The following MAST4 variants were observed in gnomAD, a reference collection of about 807,000 sequenced individuals.
MAST4 encodes microtubule-associated serine/threonine-protein kinase 4.
MAST4 carries 89 observed loss-of-function variants against 162.7 expected under a neutral mutation model. That is an observed-to-expected ratio of 0.55 (90% CI 0.46 to 0.65). The LOEUF (loss-of-function observed/expected upper bound fraction) is 0.65, where lower values mean the gene tolerates loss of function less well. Among genes scored for constraint, MAST4 ranks in the 30% least tolerant of loss-of-function variants. The pLI, the probability that MAST4 is intolerant of heterozygous loss-of-function variation, is 0.00. For synonymous variants in MAST4, 1,479 were observed against 1,361.1 expected (o/e 1.09, Z -1.91); for missense variants, 3,153 against 3,374.0 (o/e 0.93, Z 1.62).
intron 2 of MAST4, among the ~76,000 whole-genome samples, chr5:66,760,666 C>A (rs964818103): frequency 6.6e-6 from 1 of 152,104 alleles, no homozygotes; most frequent in Non-Finnish European, 1.5e-5. Context: ...GGTCTGGATT[C>A]TTTTGCTCAG....
chr5:66,955,625 C>T (rs981657408), intron 4 of MAST4, among the ~76,000 whole-genome samples: 1 of 152,138 alleles, frequency 6.6e-6, no homozygotes, highest in Non-Finnish European at 1.5e-5. Flanking sequence ...TACTCTTACT[C>T]TCCCTCCCCA....
chr5:66,845,000 G>A (rs772355612), intron 3 of MAST4, among the ~76,000 whole-genome samples: 11 of 147,510 alleles, frequency 7.5e-5, no homozygotes, highest in Admixed American at 2.1e-4. Flanking sequence ...CCATGGGAGT[G>A]GAGGAGATTA....
chr5:66,881,136 A>G (rs1286470643), intron 3 of MAST4, among the ~76,000 whole-genome samples: 1 of 152,200 alleles, frequency 6.6e-6, no homozygotes, highest in Non-Finnish European at 1.5e-5. Flanking sequence ...AGCAAATTTT[A>G]TAATTCTATT....
intron 5 of MAST4, among the ~76,000 whole-genome samples, chr5:67,061,212 C>CCTA (rs1759541676): frequency 6.6e-6 from 1 of 152,022 alleles, no homozygotes; most frequent in African/African-American, 2.4e-5. Flanking sequence ...TATGTTGAAA[C>CCTA]TTTTGTTCCC....
At position 66,704,646 on chromosome 5, in the gene MAST4, G is replaced by A. The variant is rs562237090; in HGVS notation, c.364-55063G>A. 2.3e-4 allele frequency among the ~76,000 whole-genome samples: 35 copies of A among 151,990 alleles called. No individual in the cohort carries two copies. In the East Asian group the frequency reaches 6.8e-3, roughly 29 times the overall value. ...CTCCTGAGCAGCTGGTACTACAGGCGCTTGCCACCATGCTTGGCTAATTTT... is the reference window on the plus strand; with the variant it reads ...CTCCTGAGCAGCTGGTACTACAGGCACTTGCCACCATGCTTGGCTAATTTT... On this transcript the variant is annotated intron_variant, in intron 1 of 28. Transcript: ENST00000403625.
chr5:66,842,879 CT>C (rs767005240), intron 3 of MAST4, among the ~76,000 whole-genome samples: 3 of 152,062 alleles, frequency 2.0e-5, no homozygotes, highest in Non-Finnish European at 4.4e-5. Flanking sequence ...ATTCATGTGC[CT>C]TATATTTAGG....
At chr5:66,752,738 A>C (rs1753264175) in intron 1 of MAST4, among the ~76,000 whole-genome samples, 1 of 148,212 alleles carries the variant, frequency 6.7e-6, no homozygotes, top group South Asian at 2.2e-4. Flanking sequence ...CAGATCAACA[A>C]GACAGAAAGT....
At position 67,131,713 on chromosome 5, in the gene MAST4, A is replaced by C. The variant is rs1424742742; in HGVS notation, c.1955-100A>C. On this transcript the variant is annotated intron_variant, in intron 15 of 28. Coordinates refer to ENST00000403625, the MANE Select transcript of MAST4 (RefSeq NM_001164664.2). ...GTTGTGACTATGATATGCTGTGTCT[A>C]TGGGTAGAGATGATTTCACCTTGAA... The C allele has an allele frequency of 3.4e-6, 4 of 1,185,748 alleles. No individual in the cohort carries two copies. In the Admixed American group the frequency reaches 8.2e-5, roughly 24 times the overall value. 73.5% of individuals were successfully genotyped at this position (1,185,748 alleles called of 1,614,324 possible).
At chr5:67,112,829 C>T (rs1316089545) in intron 11 of MAST4, among the ~76,000 whole-genome samples, 4 of 152,134 alleles carry the variant, frequency 2.6e-5, no homozygotes, top group African/African-American at 9.7e-5. Flanking sequence ...TAACCTTCAG[C>T]CCCTGTCTGA....
At chr5:66,966,387 A>G (rs910378182) in intron 4 of MAST4, among the ~76,000 whole-genome samples, 1 of 152,250 alleles carries the variant, frequency 6.6e-6, no homozygotes, top group African/African-American at 2.4e-5. Context: ...TAGAAGATGT[A>G]TTAGTTACAG....
At chr5:67,144,819 A>G in intron 22 of MAST4, 23 bp downstream of exon 22, 1 of 1,576,382 alleles carries the variant, frequency 6.3e-7, no homozygotes, top group Non-Finnish European at 8.6e-7. Context: ...CCTCTTAAGT[A>G]ATATAAGCAG....
At chr5:67,033,345 G>GTGTGTGTGTGT (rs55919358) in intron 4 of MAST4, among the ~76,000 whole-genome samples, 15 of 123,568 alleles carry the variant, frequency 1.2e-4, no homozygotes, top group African/African-American at 2.9e-4. Flanking sequence ...GTGTGTGTGT[G>GTGTGTGTGTGT]GCTTTTTTTT....
intron 1 of MAST4, among the ~76,000 whole-genome samples, chr5:66,693,170 G>T (rs966503764): frequency 6.6e-6 from 1 of 151,870 alleles, no homozygotes; most frequent in African/African-American, 2.4e-5. Context: ...CAATCCCCCG[G>T]GAACTAATGT....
Position 66,691,528 on chromosome 5 carries a change from G to C in MAST4, c.364-68181G>C, listed in dbSNP as rs79634174. ...CCTATAACAGAATACTATAGACTGG[G>C]TGACTTATAAACAACAGAAAATGTA... On this transcript the variant is annotated intron_variant, in intron 1 of 28. Coordinates refer to ENST00000403625, the MANE Select transcript of MAST4 (RefSeq NM_001164664.2). Among the ~76,000 whole-genome samples the C allele has an allele frequency of 9.0e-3, 1,365 of 152,250 alleles. 20 individuals are homozygous for C. Among genetic ancestry groups the C allele is most frequent in the African/African-American group, 0.031 (1,299 of 41,540 alleles).
At chr5:66,816,336 C>T (rs1174311238) in intron 3 of MAST4, among the ~76,000 whole-genome samples, 2 of 152,052 alleles carry the variant, frequency 1.3e-5, no homozygotes, top group African/African-American at 4.8e-5. Context: ...ACTGGGCACC[C>T]CTGTTCACGG....
chr5:66,608,848 G>C (rs1743083760), intron 1 of MAST4, among the ~76,000 whole-genome samples: 2 of 152,102 alleles, frequency 1.3e-5, no homozygotes, highest in Non-Finnish European at 2.9e-5. Context: ...TCTCAGTACA[G>C]GGTAACTTTA....
intron 4 of MAST4, among the ~76,000 whole-genome samples, chr5:67,031,243 C>T (rs562139568): frequency 1.3e-5 from 2 of 152,268 alleles, no homozygotes; most frequent in South Asian, 2.1e-4. Flanking sequence ...TCTGTCAGCT[C>T]CCTGGCTAGT....
At chr5:66,738,434 T>G (rs1298252811) in intron 1 of MAST4, among the ~76,000 whole-genome samples, 1 of 152,192 alleles carries the variant, frequency 6.6e-6, no homozygotes, top group Non-Finnish European at 1.5e-5. Context: ...CCAAAAGAGT[T>G]TACTTGGCAC....
chr5:67,012,004 G>A (rs981501007), intron 4 of MAST4, among the ~76,000 whole-genome samples: 1 of 152,216 alleles, frequency 6.6e-6, no homozygotes, highest in Non-Finnish European at 1.5e-5. Context: ...GCTATTGTGT[G>A]TGTGTGAGAG....
Sources: gnomAD v4.1 joint callset for allele counts (sites outside exome capture counted in the v4.1 genomes callset) on GRCh38, gnomAD v4.1.1 for gene constraint, MANE v1.5 for transcripts, NCBI Gene and HGNC (gene_info 2026-07-23, HGNC 2026-07-21) for gene names.